The following GRIN2C variants were observed in gnomAD, a reference collection of about 807,000 sequenced individuals.
GRIN2C encodes the protein glutamate ionotropic receptor NMDA type subunit 2C.
Under a neutral mutation model 77.7 loss-of-function variants are expected in GRIN2C, and 64 were observed. That is an observed-to-expected ratio of 0.82 (90% CI 0.67 to 1.01). GRIN2C has a LOEUF of 1.01. GRIN2C is among the 50% of genes least tolerant of loss of function. The probability of loss-of-function intolerance (pLI) is 0.00; values close to 1 mark genes in which losing one functional copy is unlikely to be tolerated. For synonymous variants in GRIN2C, 792 were observed against 643.4 expected (o/e 1.23, Z -3.49); for missense variants, 1,549 against 1,486.0 (o/e 1.04, Z -0.70).
Position 74,849,058 on chromosome 17 carries a change from G to GGAGA in GRIN2C, c.1645+718_1645+721dup, listed in dbSNP as rs1273017521. Among the ~76,000 whole-genome samples the GGAGA allele has an allele frequency of 6.6e-6, 1 of 151,618 alleles. No homozygotes were observed. Among genetic ancestry groups the GGAGA allele is most frequent in the Non-Finnish European group, 1.5e-5 (1 of 67,832 alleles). On this transcript the variant is annotated intron_variant, in intron 7 of 12. Coordinates refer to ENST00000293190, the MANE Select transcript of GRIN2C (RefSeq NM_000835.6). The surrounding 1 kb of genome is among the most constrained non-coding windows in gnomAD (Gnocchi z 4.6). ...GGAAAGAAGAAAGGAAGAGTGGGAA[G>GGAGA]GAGAGAGGGAGGGAGGGAGGGAAAT... is the stretch of plus-strand genomic sequence containing the variant.
In GRIN2C at chr17:74,849,800, A is replaced by G. The variant is rs1363611590; in HGVS notation, c.1625T>C (p.Val542Ala). The change falls in exon 7 of 13, where the codon GTC becomes GCC. Residue 542 changes from valine (V) to alanine (A), a missense_variant. Physicochemically the swap from Val to Ala is moderately conservative, Grantham distance 64. Coordinates refer to ENST00000293190, the MANE Select transcript of GRIN2C (RefSeq NM_000835.6). This position sits in a 1 kb window ranked among gnomAD's most constrained non-coding sequence, Gnocchi z 4.6. ...SVMVARSNGT[V>A]SPSAFLEPYS... ...CTCACCCAAGAAGGCCGAGGGGGAG[A>G]CGGTGCCATTGCTGCGAGCCACCAT... The G allele has an allele frequency of 1.2e-6, 2 of 1,611,994 alleles. No homozygotes were observed. Among genetic ancestry groups the G allele is most frequent in the Non-Finnish European group, 1.7e-6 (2 of 1,179,428 alleles).
At chr17:74,844,908 A>G (rs536607430) in intron 11 of GRIN2C, among the ~76,000 whole-genome samples, 6 of 152,158 alleles carry the variant, frequency 3.9e-5, no homozygotes, top group Admixed American at 3.3e-4. Flanking sequence ...AGAGACACAC[A>G]TTGTGATTGC....
At position 74,850,461 on chromosome 17, in the gene GRIN2C, C is replaced by G. The variant is rs1032909810; in HGVS notation, c.1326-90G>C. On this transcript the variant is annotated intron_variant, in intron 5 of 12. Transcript: ENST00000293190. The surrounding 1 kb of genome is among the most constrained non-coding windows in gnomAD (Gnocchi z 5.3). ...CCACTCCTCCAGCCTGGCACGTGGACCCCTGCCCCACACCCAAGCATGGGA... is the reference window on the plus strand; with the variant it reads ...CCACTCCTCCAGCCTGGCACGTGGAGCCCTGCCCCACACCCAAGCATGGGA... 1 of 1,564,432 alleles carries G rather than the reference C, an allele frequency of 6.4e-7. No homozygotes were observed. The highest frequency in any genetic ancestry group is 1.4e-5 in the African/African-American group (1 of 73,942).
chr17:74,846,015 A>T lies in GRIN2C; in HGVS notation c.2350+51T>A. 2 of 1,534,616 alleles carry T rather than the reference A, an allele frequency of 1.3e-6. No homozygotes were observed. The highest frequency in any genetic ancestry group is 1.8e-6 in the Non-Finnish European group (2 of 1,110,228). ...TTGAGTGGTGGTGGAAATGCTGACAACCTTGGGCTCCACAGCCCACCCTGG... is the reference window on the plus strand; with the variant it reads ...TTGAGTGGTGGTGGAAATGCTGACATCCTTGGGCTCCACAGCCCACCCTGG... On this transcript the variant is annotated intron_variant, in intron 11 of 12. Transcript: ENST00000293190. This position sits in a 1 kb window ranked among gnomAD's most constrained non-coding sequence, Gnocchi z 4.4.
chr17:74,856,481 C>CTT (rs35686686), intron 1 of GRIN2C, among the ~76,000 whole-genome samples: 7,554 of 135,208 alleles, frequency 0.056, 625 homozygotes, highest in African/African-American at 0.17. Context: ...CTCTCTCTCT[C>CTT]TTTTTTTTTT....
At chr17:74,859,923 C>T (rs1192551618), upstream of GRIN2C, 2 of 163,598 alleles carry the variant, frequency 1.2e-5, no homozygotes, top group Non-Finnish European at 1.3e-5. This position sits in a 1 kb window ranked among gnomAD's most constrained non-coding sequence, Gnocchi z 5.9. Flanking sequence ...GGGCGGGGAC[C>T]CGCGCCACGC....
Position 74,844,188 on chromosome 17 carries a change from C to A in GRIN2C, c.2583+88G>T, listed in dbSNP as rs571038671. On this transcript the variant is annotated intron_variant, in intron 12 of 12. Coordinates refer to ENST00000293190, the MANE Select transcript of GRIN2C (RefSeq NM_000835.6). ...GAGCCGGGCCAGAACCTTGGTTTTA[C>A]CTCTGGAAATGGGCCATGGCCAGCC... The A allele has an allele frequency of 1.9e-5, 29 of 1,560,484 alleles. No homozygotes were observed. The South Asian group carries it at 2.5e-4, about 14-fold the overall frequency.
At chr17:74,854,404 C>G in intron 2 of GRIN2C, 1 of 355,718 alleles carries the variant, frequency 2.8e-6, no homozygotes, top group Non-Finnish European at 5.1e-6. Context: ...ACCTAGGAAG[C>G]TGAGGGAAGC....
chr17:74,847,284 C>T lies in GRIN2C; in HGVS notation c.2001+24G>A, dbSNP rs761492572. 1 of 1,288,340 alleles carries T rather than the reference C, an allele frequency of 7.8e-7. No homozygotes were observed. Among genetic ancestry groups the T allele is most frequent in the Non-Finnish European group, 1.1e-6 (1 of 887,208 alleles). 79.8% of individuals were successfully genotyped at this position (1,288,340 alleles called of 1,614,324 possible). A position where few individuals can be genotyped will look rare whatever the true frequency, so the allele number is the denominator to read the frequency against. ...CCCCACCCTCAGTGCCCCCCCCCACCCCCAGCAGCTATGGCCCCACAACCT... is the reference window on the plus strand; with the variant it reads ...CCCCACCCTCAGTGCCCCCCCCCACTCCCAGCAGCTATGGCCCCACAACCT... On this transcript the variant is annotated intron_variant, in intron 9 of 12. Transcript: ENST00000293190. This position sits in a 1 kb window ranked among gnomAD's most constrained non-coding sequence, Gnocchi z 5.2.
intron 1 of GRIN2C, among the ~76,000 whole-genome samples, chr17:74,856,645 A>G (rs1248523328): frequency 1.3e-5 from 2 of 151,422 alleles, no homozygotes; most frequent in Non-Finnish European, 2.9e-5. Flanking sequence ...TGCCCGGCTA[A>G]TTTTTTGTAT....
intron 1 of GRIN2C, among the ~76,000 whole-genome samples, chr17:74,855,327 G>A (rs1223629724): frequency 6.6e-6 from 1 of 152,104 alleles, no homozygotes; most frequent in Non-Finnish European, 1.5e-5. Context: ...TCCCAGAAGA[G>A]CAAGGGCTGG....
Position 74,847,826 on chromosome 17 carries a change from T to C in GRIN2C, c.1771+26A>G, listed in dbSNP as rs748205127. On this transcript the variant is annotated intron_variant, in intron 8 of 12. Transcript: ENST00000293190. The surrounding 1 kb of genome is among the most constrained non-coding windows in gnomAD (Gnocchi z 5.2). ...CCCTCAGGGTGCCCAGGCCCACCCC[T>C]CCTGCCGGGCCCAGGCAAGGCTTAC... is the stretch of plus-strand genomic sequence containing the variant. 130 of 1,613,024 alleles carry C rather than the reference T, an allele frequency of 8.1e-5. No homozygotes were observed. Among genetic ancestry groups the C allele is most frequent in the Non-Finnish European group, 1.1e-4 (127 of 1,179,508 alleles).
intron 1 of GRIN2C, among the ~76,000 whole-genome samples, chr17:74,858,368 G>A (rs1038957129): frequency 3.6e-5 from 5 of 139,556 alleles, no homozygotes; most frequent in Admixed American, 2.1e-4. Flanking sequence ...GGGGGGTGGG[G>A]GAGTTGAGGC....
Position 74,851,559 on chromosome 17 carries a change from G to A in GRIN2C, c.1113+18C>T, listed in dbSNP as rs1237012677. The A allele has an allele frequency of 6.8e-7, 1 of 1,473,904 alleles. No homozygotes were observed. Among genetic ancestry groups the A allele is most frequent in the South Asian group, 1.2e-5 (1 of 82,674 alleles). The allele number at this position is 1,473,904 out of a possible 1,614,324, so 91.3% of individuals were successfully genotyped here. On this transcript the variant is annotated intron_variant, in intron 4 of 12. Coordinates refer to ENST00000293190, the MANE Select transcript of GRIN2C (RefSeq NM_000835.6). Reference sequence around the variant, plus strand: ...AATAAGAGGACACTGAGGGCCCCTGGGCTCACCCCCTTCTCACCATCTCCC... The same window carrying A: ...AATAAGAGGACACTGAGGGCCCCTGAGCTCACCCCCTTCTCACCATCTCCC...
In GRIN2C at chr17:74,849,637, C is replaced by T. The variant is rs1042069552; in HGVS notation, c.1645+143G>A. 1.2e-5 allele frequency: 9 copies of T among 733,850 alleles called. No homozygotes were observed. The African/African-American group carries it at 1.6e-4, about 13-fold the overall frequency. 45.5% of individuals were successfully genotyped at this position (733,850 alleles called of 1,614,324 possible). A position where few individuals can be genotyped will look rare whatever the true frequency, so the allele number is the denominator to read the frequency against. ...ACTTCTCCTGTCTCCTTTCCACTCA[C>T]CTCCAGCCAACCTCCAAGACCCAAG... On this transcript the variant is annotated intron_variant, in intron 7 of 12. Transcript: ENST00000293190. This position sits in a 1 kb window ranked among gnomAD's most constrained non-coding sequence, Gnocchi z 4.6.
At chr17:74,859,963 C>T (rs1200116015), upstream of GRIN2C, 1 of 152,804 alleles carries the variant, frequency 6.5e-6, no homozygotes, top group Admixed American at 6.6e-5. This position sits in a 1 kb window ranked among gnomAD's most constrained non-coding sequence, Gnocchi z 5.9. Flanking sequence ...GCACCACGCA[C>T]CCGGCGCCCC....
chr17:74,845,930 C>T, intron 11 of GRIN2C, 136 bp downstream of exon 11: 5 of 788,456 alleles, frequency 6.3e-6, no homozygotes, highest in Non-Finnish European at 8.5e-6. Flanking sequence ...ACCTGCCCAC[C>T]TCAGCTGCCC....
At chr17:74,855,139 G>A (rs771989721) in intron 1 of GRIN2C, 32 bp from the exon 2 acceptor site, 5 of 1,505,448 alleles carry the variant, frequency 3.3e-6, no homozygotes, top group Middle Eastern at 2.2e-4. Flanking sequence ...CACAGGGAGA[G>A]AGACAGAGGT....
intron 11 of GRIN2C, 115 bp downstream of exon 11, chr17:74,845,951 C>T (rs2037440931): frequency 5.2e-6 from 5 of 955,854 alleles, no homozygotes; most frequent in Non-Finnish European, 8.2e-6. Context: ...CAACCTCTCA[C>T]CCCCCAGAGA....
Sources: allele counts gnomAD v4.1 joint callset (sites outside exome capture counted in the v4.1 genomes callset), GRCh38; gene constraint gnomAD v4.1.1; non-coding constraint Gnocchi (gnomAD v3.1); transcripts MANE v1.5; gene names NCBI Gene and HGNC (gene_info 2026-07-23, HGNC 2026-07-21).